Variants in CLDN10 observed in about 807,000 individuals in gnomAD.
The protein encoded by CLDN10 is claudin-10.
A neutral mutation model predicts 22.9 loss-of-function variants in CLDN10; 15 were observed. The observed-to-expected ratio is 0.65, with a 90% confidence interval of 0.44 to 1.01. The LOEUF (loss-of-function observed/expected upper bound fraction) is 1.01, where lower values mean the gene tolerates loss of function less well. Among genes scored for constraint, CLDN10 ranks in the 50% least tolerant of loss-of-function variants. The pLI is 0.00. For missense variants in CLDN10, 247 were observed against 287.8 expected, an observed-to-expected ratio of 0.86 and a Z score of 1.03; for synonymous variants, 114 against 111.4, an observed-to-expected ratio of 1.02 and a Z score of -0.15.
At chr13:95,544,231 A>G (rs2043486279) in intron 1 of CLDN10, among the ~76,000 whole-genome samples, 1 of 152,234 alleles carries the variant, frequency 6.6e-6, no homozygotes, top group African/African-American at 2.4e-5. Flanking sequence ...TAGAAAGTCA[A>G]GAATAAACAG....
At chr13:95,565,656 A>G (rs893831457) in intron 3 of CLDN10, among the ~76,000 whole-genome samples, 1 of 152,192 alleles carries the variant, frequency 6.6e-6, no homozygotes, top group Non-Finnish European at 1.5e-5. Flanking sequence ...TTTAAGTTCT[A>G]GGGTACATGT....
chr13:95,513,161 T>G (rs1026563556), intron 1 of CLDN10, among the ~76,000 whole-genome samples: 5 of 152,218 alleles, frequency 3.3e-5, no homozygotes, highest in African/African-American at 1.2e-4. Flanking sequence ...ATTACAGGCA[T>G]GAGCCAACAT....
intron 1 of CLDN10, among the ~76,000 whole-genome samples, chr13:95,468,299 T>C (rs2042598713): frequency 6.6e-6 from 1 of 152,226 alleles, no homozygotes; most frequent in African/African-American, 2.4e-5. Flanking sequence ...CTAAGTCTTT[T>C]TGGCATGCTT....
At chr13:95,568,667 C>T (rs2043816097) in intron 3 of CLDN10, among the ~76,000 whole-genome samples, 2 of 152,056 alleles carry the variant, frequency 1.3e-5, no homozygotes, top group South Asian at 4.1e-4. Flanking sequence ...TAAACAAGAC[C>T]ACAAGCATCT....
upstream of CLDN10, among the ~76,000 whole-genome samples, chr13:95,552,240 G>A (rs955965382): frequency 1.3e-5 from 2 of 152,232 alleles, no homozygotes; most frequent in Non-Finnish European, 2.9e-5. Context: ...AGCGTGGCAC[G>A]CAAACCTTTA....
At chr13:95,468,757 G>A (rs1215754690) in intron 1 of CLDN10, among the ~76,000 whole-genome samples, 1 of 151,828 alleles carries the variant, frequency 6.6e-6, no homozygotes, top group East Asian at 1.9e-4. Context: ...AAACGGCCTG[G>A]GTGCTAAGGA....
chr13:95,545,553 A>G (rs1387101701), intron 1 of CLDN10, among the ~76,000 whole-genome samples: 2 of 152,216 alleles, frequency 1.3e-5, no homozygotes, highest in South Asian at 2.1e-4. Context: ...ATAAAAGAAA[A>G]AAAGTAGTCA....
At chr13:95,443,828 T>C (rs1210461059) in intron 1 of CLDN10, among the ~76,000 whole-genome samples, 1 of 152,142 alleles carries the variant, frequency 6.6e-6, no homozygotes, top group Non-Finnish European at 1.5e-5. Flanking sequence ...TTGCTATCTG[T>C]AATAACTGGC....
chr13:95,493,997 C>T (rs2138521430), intron 1 of CLDN10, among the ~76,000 whole-genome samples: 1 of 152,262 alleles, frequency 6.6e-6, no homozygotes, highest in South Asian at 2.1e-4. Context: ...AAATATCTTA[C>T]TATGTGTCTC....
At position 95,462,867 on chromosome 13, in the gene CLDN10, C is replaced by T. The variant is rs184822191; in HGVS notation, c.214+28820C>T. ...ATGCTATAATTCCACTACTAACAGT[C>T]CAGTTTCTGCAAGGTTCTTATCTGA... On this transcript the variant is annotated intron_variant, in intron 1 of 4. Transcript: ENST00000376873. 3.5e-3 allele frequency among the ~76,000 whole-genome samples: 538 copies of T among 152,272 alleles called. 6 individuals carry two copies. The highest frequency in any genetic ancestry group is 0.012 in the African/African-American group (489 of 41,548).
intron 1 of CLDN10, among the ~76,000 whole-genome samples, chr13:95,440,523 A>T (rs773373774): frequency 9.2e-5 from 14 of 152,162 alleles, no homozygotes; most frequent in Admixed American, 7.9e-4. Context: ...AAAAAAATTT[A>T]AAAATAGCCA....
At chr13:95,522,918 C>A (rs1044839488) in intron 1 of CLDN10, among the ~76,000 whole-genome samples, 1 of 151,700 alleles carries the variant, frequency 6.6e-6, no homozygotes, top group Non-Finnish European at 1.5e-5. Context: ...CATTTTTTAT[C>A]TATCAACTTT....
In CLDN10 at chr13:95,468,810, C is replaced by T. The variant is rs76918120; in HGVS notation, c.214+34763C>T. The stretch of plus-strand genomic sequence containing the variant: ...AGTCAAGGTATCTAGGCCTTTTCAA[C>T]AGACAGAGCTAAGAATAGTGTATTT... On this transcript the variant is annotated intron_variant, in intron 1 of 4. Transcript: ENST00000376873. Among the ~76,000 whole-genome samples the T allele has an allele frequency of 5.1e-4, 77 of 152,196 alleles. 2 individuals are homozygous for T. In the East Asian group the frequency reaches 6.4e-3, roughly 13 times the overall value.
rs139620932 is a variant in CLDN10 at position 95,530,568 on chromosome 13, G to C, written c.215-29564G>C. Among the ~76,000 whole-genome samples the C allele has an allele frequency of 3.3e-4, 50 of 152,288 alleles. 1 individual carries two copies. The highest frequency in any genetic ancestry group is 1.1e-3 in the African/African-American group (47 of 41,572). ...GTGTGTCTATCTTCATTAGGGCAAA[G>C]AGATCAAATCCCAAATTTCATAAAG... is the stretch of plus-strand genomic sequence containing the variant. On this transcript the variant is annotated intron_variant, in intron 1 of 4. Coordinates refer to the CLDN10 transcript ENST00000376873.
rs141757444 is a variant in CLDN10 at position 95,514,913 on chromosome 13, G to T, written c.215-45219G>T. Among the ~76,000 whole-genome samples the T allele has an allele frequency of 7.7e-4, 118 of 152,302 alleles. 1 individual carries two copies. The highest frequency in any genetic ancestry group is 2.7e-3 in the African/African-American group (111 of 41,580). ...TTGTGAGATGATGTCCCGCAGACTT[G>T]CATGGAGATGGCGCTGAAGATGGTA... On this transcript the variant is annotated intron_variant, in intron 1 of 4. Transcript: ENST00000376873.
intron 1 of CLDN10, among the ~76,000 whole-genome samples, chr13:95,455,187 G>T: frequency 6.8e-6 from 1 of 147,532 alleles, no homozygotes. Flanking sequence ...ATTTTCTATA[G>T]CCTCTAATAG....
In CLDN10 at chr13:95,495,760, A is replaced by AAAAAAG. The variant is rs1162651391; in HGVS notation, c.214+61716_214+61717insAAGAAA. ...CTCCACCTCAAAAAAAAAAAAAAAG[A>AAAAAAG]AAAGAAAGAAAGAAAGAAAGAAATG... On this transcript the variant is annotated intron_variant, in intron 1 of 4. Coordinates refer to the CLDN10 transcript ENST00000376873. 1.2e-3 allele frequency among the ~76,000 whole-genome samples: 154 copies of AAAAAAG among 129,336 alleles called. 1 individual carries two copies. Among genetic ancestry groups the AAAAAAG allele is most frequent in the African/African-American group, 3.8e-3 (148 of 38,870 alleles). The allele number at this position is 129,336 out of a possible 152,430, so 84.8% of individuals were successfully genotyped here.
intron 1 of CLDN10, among the ~76,000 whole-genome samples, chr13:95,467,706 T>C (rs2042594042): frequency 6.6e-6 from 1 of 152,090 alleles, no homozygotes; most frequent in Non-Finnish European, 1.5e-5. Context: ...AAGAATTGGG[T>C]CACATAATTA....
intron 1 of CLDN10, among the ~76,000 whole-genome samples, chr13:95,467,585 C>G (rs1313352099): frequency 1.3e-5 from 2 of 151,984 alleles, no homozygotes; most frequent in Non-Finnish European, 2.9e-5. Flanking sequence ...TATAAAATGT[C>G]CTATACTCTG....
Sources: allele counts gnomAD v4.1 joint callset (sites outside exome capture counted in the v4.1 genomes callset), GRCh38; gene constraint gnomAD v4.1.1; transcripts MANE v1.5; gene names NCBI Gene and HGNC (gene_info 2026-07-23, HGNC 2026-07-21).